PIWIL2: variants seen among roughly 807,000 people sequenced by gnomAD.
PIWIL2 encodes the protein piwi-like protein 2.
In PIWIL2, 81 loss-of-function variants were observed where a neutral mutation model predicts 116.5. The ratio of observed to expected loss-of-function variants is 0.70; its 90% confidence interval spans 0.58 to 0.84. The LOEUF (loss-of-function observed/expected upper bound fraction) is 0.84. PIWIL2 is among the 40% of genes least tolerant of loss of function. The pLI is 0.00. For synonymous variants in PIWIL2, 489 were observed against 429.5 expected (o/e 1.14, Z -1.71); for missense variants, 1,272 against 1,212.3 (o/e 1.05, Z -0.73).
chr8:22,282,544 ATGGCTCTGACAGTCAATAGCAGT>A (rs1383690451), intron 4 of PIWIL2, among the ~76,000 whole-genome samples: 2 of 151,586 alleles, frequency 1.3e-5, no homozygotes, highest in Non-Finnish European at 2.9e-5. Flanking sequence ...GCTATGGAAG[ATGGCTCTGACAGTCAATAGCAGT>A]TGGTGAATGA....
intron 18 of PIWIL2, 38 bp from the exon 19 acceptor site, chr8:22,316,207 G>T (rs1306128305): frequency 7.7e-7 from 1 of 1,297,798 alleles, no homozygotes; most frequent in Admixed American, 1.7e-5. Context: ...CATTGCTCAG[G>T]TCTGGGGTTT....
intron 20 of PIWIL2, among the ~76,000 whole-genome samples, chr8:22,334,734 C>G (rs1341678832): frequency 1.9e-4 from 29 of 151,986 alleles, no homozygotes; most frequent in Admixed American, 1.8e-3. Flanking sequence ...GTATAAGCTA[C>G]TGTGCCTGGC....
chr8:22,276,352 G>C (rs894782252), intron 1 of PIWIL2, among the ~76,000 whole-genome samples: 1 of 152,200 alleles, frequency 6.6e-6, no homozygotes, highest in East Asian at 1.9e-4. Context: ...GTCTCGCTCC[G>C]TAGCGCAGGC....
intron 10 of PIWIL2, among the ~76,000 whole-genome samples, chr8:22,298,389 C>G (rs781400150): frequency 1.3e-5 from 2 of 152,172 alleles, no homozygotes; most frequent in African/African-American, 4.8e-5. Flanking sequence ...ACCAAAAGGT[C>G]TATTTTACGT....
intron 20 of PIWIL2, among the ~76,000 whole-genome samples, chr8:22,348,068 A>G (rs1157812195): frequency 6.6e-6 from 1 of 152,116 alleles, no homozygotes; most frequent in Non-Finnish European, 1.5e-5. Context: ...AGGCTGAGAC[A>G]GTGAGGCACA....
intron 20 of PIWIL2, among the ~76,000 whole-genome samples, chr8:22,348,021 G>A (rs1832268645): frequency 6.6e-6 from 1 of 152,084 alleles, no homozygotes; most frequent in Non-Finnish European, 1.5e-5. Context: ...TTTTAGCTGA[G>A]CACAGTGGCC....
chr8:22,306,073 TA>T lies in PIWIL2; in HGVS notation c.1545+59del, dbSNP rs1831170776. 6 of 1,268,564 alleles carry T rather than the reference TA, an allele frequency of 4.7e-6. No homozygotes were observed. The Admixed American group carries it at 1.0e-4, about 21-fold the overall frequency. The allele number at this position is 1,268,564 out of a possible 1,614,324, so 78.6% of individuals were successfully genotyped here. The stretch of plus-strand genomic sequence containing the variant: ...CCACTTTGTGAGGCAGCCTTTTGGT[TA>T]ACAGTTTGAGTTAGAACCGAGCCAC... On this transcript the variant is annotated intron_variant, in intron 13 of 22. Transcript: ENST00000356766.
At chr8:22,341,527 G>A (rs752046494) in intron 20 of PIWIL2, among the ~76,000 whole-genome samples, 4 of 145,676 alleles carry the variant, frequency 2.7e-5, no homozygotes, top group African/African-American at 1.0e-4. Context: ...CCTGGGAGGC[G>A]AAGGTTGCGG....
chr8:22,300,753 T>G (rs1448253354), intron 10 of PIWIL2, among the ~76,000 whole-genome samples: 1 of 152,212 alleles, frequency 6.6e-6, no homozygotes, highest in Non-Finnish European at 1.5e-5. Flanking sequence ...TGAATAATGA[T>G]GTAGAGCATC....
intron 20 of PIWIL2, among the ~76,000 whole-genome samples, chr8:22,320,288 G>A (rs1831567187): frequency 7.8e-6 from 1 of 127,680 alleles, no homozygotes; most frequent in South Asian, 2.8e-4. Flanking sequence ...TTTTGAGACG[G>A]AGTCTCACTC....
rs1273561645 is a variant in PIWIL2 at position 22,318,159 on chromosome 8, C to T, written c.2298-11C>T. ...TTCCTTTCTCTGTCTCTCTGCTCAC[C>T]CTGACCCTAGCACCCTCACAAAATG... On this transcript the variant is annotated splice_polypyrimidine_tract_variant and intron_variant, in intron 19 of 22. Transcript: ENST00000356766. 1.3e-6 allele frequency: 2 copies of T among 1,571,530 alleles called. No individual in the cohort carries two copies. The highest frequency in any genetic ancestry group is 1.8e-6 in the Non-Finnish European group (2 of 1,142,162).
intron 10 of PIWIL2, among the ~76,000 whole-genome samples, chr8:22,297,359 C>T (rs1189561475): frequency 6.6e-6 from 1 of 152,154 alleles, no homozygotes; most frequent in Non-Finnish European, 1.5e-5. Flanking sequence ...CTTAAGTTAT[C>T]CTCCTTCTAC....
At chr8:22,288,107 G>A (rs954851953) in intron 7 of PIWIL2, among the ~76,000 whole-genome samples, 1 of 152,102 alleles carries the variant, frequency 6.6e-6, no homozygotes. Context: ...GACCATCCTG[G>A]CTAACACGGT....
At chr8:22,290,048 A>G (rs1830724088) in intron 9 of PIWIL2, 121 bp downstream of exon 9, 2 of 741,668 alleles carry the variant, frequency 2.7e-6, no homozygotes, top group Non-Finnish European at 2.3e-6. Context: ...CAGTTTATCA[A>G]TTAAATCTCT....
chr8:22,284,373 A>T, intron 6 of PIWIL2, 101 bp downstream of exon 6: 2 of 591,266 alleles, frequency 3.4e-6, no homozygotes, highest in Non-Finnish European at 5.9e-6. Flanking sequence ...TTCCTGGTGG[A>T]CGTCTCAATG....
chr8:22,347,516 C>CTTTTT (rs1218303089), intron 20 of PIWIL2, among the ~76,000 whole-genome samples: 1,271 of 98,484 alleles, frequency 0.013, 2 homozygotes, highest in Non-Finnish European at 0.015. Context: ...TGTGCCTGGC[C>CTTTTT]TTTTTTTTTT....
chr8:22,308,000 G>T lies in PIWIL2; in HGVS notation c.1613G>T (p.Arg538Ile). ...HHSALECLLQRIAKNEAATNE... is the reference protein window; with the variant it reads ...HHSALECLLQIIAKNEAATNE... ...AGTGCTTTGGAATGCTTGCTGCAAA[G>T]AATTGCAAAGAACGAGGCAGCCACC... The change falls in exon 14 of 23, where the codon AGA becomes ATA. Residue 538 changes from arginine to isoleucine, a missense_variant. Arg to Ile is a moderately conservative substitution (Grantham distance 97). Coordinates refer to ENST00000356766, the MANE Select transcript of PIWIL2 (RefSeq NM_018068.5). The T allele has an allele frequency of 6.2e-7, 1 of 1,613,790 alleles. No homozygotes were observed. Among genetic ancestry groups the T allele is most frequent in the Non-Finnish European group, 8.5e-7 (1 of 1,179,860 alleles).
intron 14 of PIWIL2, 74 bp downstream of exon 14, chr8:22,308,147 G>T: frequency 8.4e-6 from 10 of 1,187,296 alleles, no homozygotes; most frequent in South Asian, 3.8e-5. Context: ...CTTTCCTTTT[G>T]TTGTCAGTAT....
At chr8:22,335,247 T>C (rs1831953656) in intron 20 of PIWIL2, among the ~76,000 whole-genome samples, 1 of 152,124 alleles carries the variant, frequency 6.6e-6, no homozygotes, top group Non-Finnish European at 1.5e-5. Context: ...AAAAGGTAGA[T>C]GTAAAGATCA....
Sources: allele counts gnomAD v4.1 joint callset (sites outside exome capture counted in the v4.1 genomes callset), GRCh38; gene constraint gnomAD v4.1.1; transcripts MANE v1.5; gene names NCBI Gene and HGNC (gene_info 2026-07-23, HGNC 2026-07-21).